The following COBLL1 variants were observed in gnomAD, a reference collection of about 807,000 sequenced individuals.
COBLL1 encodes the protein cordon-bleu WH2 repeat protein like 1, also known as cordon-bleu protein-like 1.
A neutral mutation model predicts 94.8 loss-of-function variants in COBLL1; 50 were observed. The ratio of observed to expected loss-of-function variants is 0.53; its 90% confidence interval spans 0.42 to 0.67. The LOEUF is 0.67. Among genes scored for constraint, COBLL1 ranks in the 30% least tolerant of loss-of-function variants. The pLI, the probability that COBLL1 is intolerant of heterozygous loss-of-function variation, is 0.00. For missense variants in COBLL1, 1,362 were observed against 1,348.7 expected (o/e 1.01, Z -0.15); for synonymous variants, 448 against 473.8 (o/e 0.95, Z 0.71).
At position 164,722,072 on chromosome 2, in the gene COBLL1, C is replaced by A. The variant is rs764694699; in HGVS notation, c.996+3G>T. ...AAACAAAATAGAAAACAAAACTACA[C>A]ACCTTATCTGTCTCATCCACGCTCA... On this transcript the variant is annotated splice_donor_region_variant and intron_variant, in intron 7 of 13. Coordinates refer to ENST00000652658, the MANE Select transcript of COBLL1 (RefSeq NM_001365672.2). 4.4e-6 allele frequency: 7 copies of A among 1,573,370 alleles called. No individual in the cohort carries two copies. The highest frequency in any genetic ancestry group is 6.0e-6 in the Non-Finnish European group (7 of 1,160,134).
intron 2 of COBLL1, among the ~76,000 whole-genome samples, chr2:164,829,751 C>G (rs1010243789): frequency 6.6e-6 from 1 of 151,984 alleles, no homozygotes; most frequent in Non-Finnish European, 1.5e-5. Flanking sequence ...AATATAAATA[C>G]TTTAAAATTT....
At chr2:164,787,336 A>G (rs1178085148) in intron 2 of COBLL1, among the ~76,000 whole-genome samples, 1 of 152,216 alleles carries the variant, frequency 6.6e-6, no homozygotes, top group Non-Finnish European at 1.5e-5. Flanking sequence ...TGTATCAAAT[A>G]CAAGTTATGC....
intron 4 of COBLL1, 113 bp downstream of exon 4, chr2:164,729,801 A>G: frequency 1.1e-6 from 1 of 903,802 alleles, no homozygotes; most frequent in South Asian, 1.6e-5. Context: ...CTAGAAAAAC[A>G]TAATACTCAC....
At chr2:164,791,848 C>T (rs1023236362) in intron 2 of COBLL1, among the ~76,000 whole-genome samples, 2 of 151,054 alleles carry the variant, frequency 1.3e-5, no homozygotes, top group Non-Finnish European at 2.9e-5. Flanking sequence ...CCTTTATATA[C>T]GTATCAAATT....
chr2:164,702,374 C>T (rs13000026), intron 9 of COBLL1, among the ~76,000 whole-genome samples: 63,181 of 151,006 alleles, frequency 0.42, 15,715 homozygotes, highest in African/African-American at 0.7. Flanking sequence ...CCATCCTGGC[C>T]AACATAGTGA....
intron 7 of COBLL1, chr2:164,718,228 A>G: frequency 2.0e-6 from 2 of 984,006 alleles, no homozygotes; most frequent in African/African-American, 1.7e-5. Context: ...TTTGCTGGAG[A>G]ACACAATTCC....
At chr2:164,687,213 C>CTTTTTTTTTTTTT (rs879090827) in intron 13 of COBLL1, 2 of 317,722 alleles carry the variant, frequency 6.3e-6, no homozygotes, top group African/African-American at 4.7e-5. Flanking sequence ...GACTTTCTTT[C>CTTTTTTTTTTTTT]TTTTTTTTTT....
chr2:164,817,430 AAGAT>A (rs1684823255), intron 2 of COBLL1, among the ~76,000 whole-genome samples: 1 of 152,036 alleles, frequency 6.6e-6, no homozygotes, highest in Non-Finnish European at 1.5e-5. Flanking sequence ...GTCTAAAAAT[AAGAT>A]AAATATTAAA....
At chr2:164,828,543 TA>T (rs1190585848) in intron 2 of COBLL1, among the ~76,000 whole-genome samples, 3 of 152,120 alleles carry the variant, frequency 2.0e-5, no homozygotes, top group South Asian at 2.1e-4. Flanking sequence ...GATTGTTAAG[TA>T]AAAAAGCAAC....
chr2:164,826,953 G>C (rs576472608), intron 2 of COBLL1, among the ~76,000 whole-genome samples: 126 of 140,882 alleles, frequency 8.9e-4, no homozygotes, highest in Non-Finnish European at 1.7e-3. Flanking sequence ...TTTGTTTTTT[G>C]TTTGTTTGTT....
intron 3 of COBLL1, among the ~76,000 whole-genome samples, chr2:164,732,402 T>A (rs1254069791): frequency 6.6e-6 from 1 of 152,150 alleles, no homozygotes; most frequent in Non-Finnish European, 1.5e-5. Context: ...CTTGTGGAAG[T>A]TGATTTTTTG....
intron 1 of COBLL1, among the ~76,000 whole-genome samples, chr2:164,673,054 T>C (rs1156459326): frequency 6.6e-6 from 1 of 152,206 alleles, no homozygotes; most frequent in Admixed American, 6.5e-5. Flanking sequence ...TTACTGAACT[T>C]TTCTCATGAA....
In COBLL1 at chr2:164,743,870, T is replaced by C. The variant is rs763874292; in HGVS notation, c.47A>G (p.Lys16Arg). The C allele has an allele frequency of 1.2e-5, 18 of 1,535,440 alleles. No homozygotes were observed. The African/African-American group carries it at 2.4e-4, about 20-fold the overall frequency. Residue 16 changes from lysine (K) to arginine (R), a missense_variant, in exon 3 of 14, where the codon AAA becomes AGA. By Grantham distance (26) the Lys-to-Arg change is conservative. Coordinates refer to ENST00000652658, the MANE Select transcript of COBLL1 (RefSeq NM_001365672.2). ...AGGAAGTGGTGCCTTGGCTTTTGGT[T>C]TTCTCCTAAAATATAAAGAAAACAC... ...PRPQDAPARR[K>R]PKAKAPLPPA...
intron 2 of COBLL1, among the ~76,000 whole-genome samples, chr2:164,781,928 T>C (rs1688739719): frequency 6.6e-6 from 1 of 152,188 alleles, no homozygotes; most frequent in South Asian, 2.1e-4. Context: ...CTAAAAACAT[T>C]ATCAATGTGT....
At chr2:164,747,891 A>G (rs1200584251) in intron 2 of COBLL1, among the ~76,000 whole-genome samples, 2 of 152,196 alleles carry the variant, frequency 1.3e-5, no homozygotes, top group Non-Finnish European at 2.9e-5. Context: ...TAAGACCAAG[A>G]TCCTTCCACA....
At chr2:164,762,978 G>C (rs1367604729) in intron 2 of COBLL1, among the ~76,000 whole-genome samples, 3 of 152,276 alleles carry the variant, frequency 2.0e-5, no homozygotes, top group Middle Eastern at 3.4e-3. Flanking sequence ...TTACAGGCTA[G>C]AGCCACTGCG....
At chr2:164,790,844 T>C (rs541324132) in intron 2 of COBLL1, among the ~76,000 whole-genome samples, 1 of 152,238 alleles carries the variant, frequency 6.6e-6, no homozygotes, top group South Asian at 2.1e-4. Context: ...GATGGGAAAA[T>C]GCTTTGGAAG....
chr2:164,698,279 C>T (rs1438615268), intron 11 of COBLL1: 1 of 151,594 alleles, frequency 6.6e-6, no homozygotes, highest in Non-Finnish European at 1.5e-5. Context: ...AAATTATTTG[C>T]TTTTAGACCT....
At chr2:164,798,274 A>G (rs190822268) in intron 2 of COBLL1, among the ~76,000 whole-genome samples, 1 of 152,364 alleles carries the variant, frequency 6.6e-6, no homozygotes, top group African/African-American at 2.4e-5. Context: ...TAAAAGTTTT[A>G]ATTGTGAAAT....
Sources: allele counts gnomAD v4.1 joint callset (sites outside exome capture counted in the v4.1 genomes callset), GRCh38; gene constraint gnomAD v4.1.1; transcripts MANE v1.5; gene names NCBI Gene and HGNC (gene_info 2026-07-23, HGNC 2026-07-21).